The following GAB4 variants were observed in gnomAD, a reference collection of about 807,000 sequenced individuals.
The protein encoded by GAB4 is GRB2-associated-binding protein 4.
GAB4 carries 26 observed loss-of-function variants against 51.3 expected under a neutral mutation model. That is an observed-to-expected ratio of 0.51 (90% CI 0.37 to 0.70). The LOEUF is 0.70. Among genes scored for constraint, GAB4 ranks in the 30% least tolerant of loss-of-function variants. The pLI is 0.00. For missense variants in GAB4, 759 were observed against 734.6 expected (o/e 1.03, Z -0.38); for synonymous variants, 329 against 291.2 (o/e 1.13, Z -1.32).
chr22:16,967,388 G>C (rs118078098), intron 5 of GAB4: 3 of 152,560 alleles, frequency 2.0e-5, no homozygotes, highest in African/African-American at 7.2e-5. Flanking sequence ...ATGTGGCCTC[G>C]AGACCCATCA....
intron 1 of GAB4, among the ~76,000 whole-genome samples, chr22:16,995,242 C>A (rs568464595): frequency 1.3e-5 from 2 of 152,090 alleles, no homozygotes; most frequent in African/African-American, 4.8e-5. Context: ...GATAGTTGGG[C>A]GGATAATGGA....
rs2060643503 is a variant in GAB4 at position 16,963,218 on chromosome 22, G to A, written c.1582-342C>T. 2.6e-5 allele frequency among the ~76,000 whole-genome samples: 4 copies of A among 152,152 alleles called. No homozygotes were observed. In the South Asian group the frequency reaches 8.3e-4, roughly 32 times the overall value. On this transcript the variant is annotated intron_variant, in intron 9 of 9. Coordinates refer to ENST00000400588, the MANE Select transcript of GAB4 (RefSeq NM_001037814.1). ...CAAGCACCAGCCTAGGCCTTTCCAG[G>A]GGTGCCCTTGGTGAGCCCTATCTCC...
intron 3 of GAB4, among the ~76,000 whole-genome samples, chr22:16,984,852 T>C (rs926685707): frequency 5.3e-5 from 8 of 152,192 alleles, no homozygotes; most frequent in Admixed American, 2.0e-4. Flanking sequence ...TCCAGCTCCA[T>C]TGGGCTCTTT....
intron 8 of GAB4, among the ~76,000 whole-genome samples, chr22:16,964,134 C>T (rs1199021232): frequency 1.3e-5 from 2 of 152,132 alleles, no homozygotes; most frequent in East Asian, 3.9e-4. Flanking sequence ...CGGCAGTGCC[C>T]ACCACCTGAG....
chr22:17,004,024 A>G (rs188238870), intron 1 of GAB4, among the ~76,000 whole-genome samples: 10 of 152,340 alleles, frequency 6.6e-5, no homozygotes, highest in African/African-American at 1.9e-4. Context: ...ACAAACTACC[A>G]TCAGAGAATA....
rs186373396 is a variant in GAB4, at chr22:16,984,724, G to A, written c.686+3236C>T. ...AGCTGTGCTCAGTTCATATAGCTCT[G>A]TTACACTGGTTTGGGACTTTCTACA... is the stretch of plus-strand genomic sequence containing the variant. On this transcript the variant is annotated intron_variant, in intron 3 of 9. Coordinates refer to ENST00000400588, the MANE Select transcript of GAB4 (RefSeq NM_001037814.1). Among the ~76,000 whole-genome samples, 37 of 152,272 alleles carry A rather than the reference G, an allele frequency of 2.4e-4. No individual in the cohort carries two copies. The East Asian group carries it at 6.4e-3, about 26-fold the overall frequency.
At chr22:16,981,844 T>C (rs537998840) in intron 3 of GAB4, among the ~76,000 whole-genome samples, 1 of 152,194 alleles carries the variant, frequency 6.6e-6, no homozygotes, top group South Asian at 2.1e-4. Flanking sequence ...TAACAATATA[T>C]TATAAAGATA....
Position 16,970,167 on chromosome 22 carries a change from T to C in GAB4, c.713A>G (p.Glu238Gly), listed in dbSNP as rs756106713. 1.2e-6 allele frequency: 2 copies of C among 1,613,890 alleles called. No individual in the cohort carries two copies. The highest frequency in any genetic ancestry group is 2.2e-5 in the South Asian group (2 of 91,084). ...ARSASFSQGS[E>G]APFIMRRNTA... ...GTTTCTCCTCATGATGAATGGGGCC[T>C]CAGAACCCTGGGAGAAGCTGGCACT... Residue 238 changes from glutamate to glycine, a missense_variant, in exon 4 of 10, where the codon GAG (glutamate) becomes GGG (glycine). Physicochemically the swap from Glu to Gly is moderately conservative, Grantham distance 98. Transcript: ENST00000400588.
intron 5 of GAB4, 84 bp downstream of exon 5, chr22:16,968,214 T>G: frequency 1.1e-6 from 1 of 948,750 alleles, no homozygotes; most frequent in Non-Finnish European, 1.7e-6. Flanking sequence ...CTGTCACCCT[T>G]TGGGGGATGT....
intron 1 of GAB4, among the ~76,000 whole-genome samples, chr22:16,995,909 G>C (rs1359581446): frequency 1.3e-5 from 2 of 152,094 alleles, no homozygotes; most frequent in African/African-American, 2.4e-5. Context: ...TTCTCCAAAA[G>C]ATCACAACTC....
chr22:16,973,672 T>A (rs1275470992), intron 3 of GAB4, among the ~76,000 whole-genome samples: 1 of 152,200 alleles, frequency 6.6e-6, no homozygotes, highest in African/African-American at 2.4e-5. Flanking sequence ...CTCCCTCTCA[T>A]CTTAAGCATA....
rs1234053003 is a variant in GAB4, at chr22:16,992,067, T to C, written c.284A>G (p.Asn95Ser). The C allele has an allele frequency of 2.5e-6, 4 of 1,614,222 alleles. No individual in the cohort carries two copies. Among genetic ancestry groups the C allele is most frequent in the Middle Eastern group, 1.6e-4 (1 of 6,062 alleles). ...DGSKKPLRTI[N>S]LNLCEQLDVD... ...ATCCAGCTGCTCACAGAGGTTCAGG[T>C]TGATGGTGCGCAGGGGCTTCTTGGA... The change falls in exon 2 of 10, where the codon AAC becomes AGC. Residue 95 changes from asparagine (N) to serine (S), a missense_variant. This residue lies in a region of GAB4 where 88 missense variants were observed against 151.3 expected (regional missense o/e 0.58). Transcript: ENST00000400588.
At chr22:16,995,013 T>C (rs1053525801) in intron 1 of GAB4, among the ~76,000 whole-genome samples, 4 of 152,244 alleles carry the variant, frequency 2.6e-5, no homozygotes, top group Admixed American at 2.6e-4. Context: ...TTCTTCTTTA[T>C]TCTCTTAATG....
chr22:16,999,545 G>T (rs1352731629), intron 1 of GAB4, among the ~76,000 whole-genome samples: 3 of 151,782 alleles, frequency 2.0e-5, no homozygotes, highest in African/African-American at 7.3e-5. Flanking sequence ...TTCTTTATTA[G>T]TCTTGCTAGA....
intron 3 of GAB4, among the ~76,000 whole-genome samples, chr22:16,974,081 C>A (rs1415738901): frequency 6.6e-6 from 1 of 152,236 alleles, no homozygotes; most frequent in Non-Finnish European, 1.5e-5. Flanking sequence ...GCTCTGGACA[C>A]CCTGCTCAAT....
chr22:16,971,976 G>C (rs1274303200), intron 3 of GAB4, among the ~76,000 whole-genome samples: 1 of 152,236 alleles, frequency 6.6e-6, no homozygotes, highest in African/African-American at 2.4e-5. Context: ...CGTCTCTAGA[G>C]CATGCTGTGC....
intron 5 of GAB4, among the ~76,000 whole-genome samples, chr22:16,967,932 C>T (rs955097533): frequency 9.1e-4 from 139 of 152,290 alleles, no homozygotes; most frequent in African/African-American, 3.2e-3. Context: ...ACCACCCCAG[C>T]AGCCTGTCCC....
intron 4 of GAB4, among the ~76,000 whole-genome samples, chr22:16,969,012 A>T (rs1569091963): frequency 6.6e-6 from 1 of 152,236 alleles, no homozygotes. Context: ...GAATAAACAA[A>T]GGCTTTGCAA....
chr22:17,005,425 C>T lies in GAB4; in HGVS notation c.174+2516G>A, dbSNP rs1285265421. On this transcript the variant is annotated intron_variant, in intron 1 of 9. Coordinates refer to ENST00000400588, the MANE Select transcript of GAB4 (RefSeq NM_001037814.1). ...CAATATTGTGAAAACGGCCATACTG[C>T]CCAAAGTAATTTACAGATTCATTGC... 2.0e-5 allele frequency among the ~76,000 whole-genome samples: 3 copies of T among 152,174 alleles called. No homozygotes were observed. The East Asian group carries it at 5.8e-4, about 29-fold the overall frequency.
Sources: allele counts gnomAD v4.1 joint callset (sites outside exome capture counted in the v4.1 genomes callset), GRCh38; gene constraint gnomAD v4.1.1; regional missense constraint gnomAD v4.1.1; transcripts MANE v1.5; gene names NCBI Gene and HGNC (gene_info 2026-07-23, HGNC 2026-07-21).